The following RASEF variants were observed in gnomAD, a reference collection of about 807,000 sequenced individuals.
RASEF encodes ras and EF-hand domain-containing protein.
A neutral mutation model predicts 90.1 loss-of-function variants in RASEF; 68 were observed. The ratio of observed to expected loss-of-function variants is 0.75; its 90% CI spans 0.62 to 0.92. The LOEUF (loss-of-function observed/expected upper bound fraction) is 0.92. Ranked by LOEUF, RASEF falls within the 40% of genes least tolerant of loss-of-function variation. The pLI is 0.00. For missense variants in RASEF, 949 were observed against 937.2 expected (o/e 1.01, Z -0.16); for synonymous variants, 331 against 345.2 (o/e 0.96, Z 0.46).
At chr9:83,118,285 T>G in the RASEF span, among the ~76,000 whole-genome samples, 1 of 152,136 alleles carries the variant, frequency 6.6e-6, no homozygotes, top group African/African-American at 2.4e-5. Flanking sequence ...AAAAAAGTTA[T>G]ATCACAGTAA....
the RASEF span, among the ~76,000 whole-genome samples, chr9:83,128,997 A>G: frequency 6.6e-6 from 1 of 152,256 alleles, no homozygotes. Context: ...AAAAGTGTTC[A>G]AATCAATTAA....
chr9:83,082,227 C>T, the RASEF span, among the ~76,000 whole-genome samples: 4 of 152,198 alleles, frequency 2.6e-5, no homozygotes, highest in African/African-American at 9.7e-5. Flanking sequence ...GCAACCTCTA[C>T]TTCACATCAA....
At chr9:83,078,676 A>G in the RASEF span, among the ~76,000 whole-genome samples, 3 of 151,588 alleles carry the variant, frequency 2.0e-5, no homozygotes, top group African/African-American at 7.3e-5. Flanking sequence ...GAAAAAAAAA[A>G]AGAGAGAGAG....
chr9:83,062,927 T>G lies in RASEF; in HGVS notation c.-60A>C. ...GCGCCGCGGGGCGCAGGGCCCTCCC[T>G]GGAAGGACGGGGCCACCTGCTGCCG... On this transcript the variant is annotated 5_prime_UTR_variant, in exon 1 of 17. Coordinates refer to ENST00000376447, the MANE Select transcript of RASEF (RefSeq NM_152573.4). 7.3e-7 allele frequency: 1 copy of G among 1,368,582 alleles called. No individual in the cohort carries two copies. The highest frequency in any genetic ancestry group is 9.4e-7 in the Non-Finnish European group (1 of 1,068,748). 84.8% of individuals were successfully genotyped at this position (1,368,582 alleles called of 1,614,324 possible).
At chr9:83,011,031 A>C (rs1014097368) in intron 5 of RASEF, among the ~76,000 whole-genome samples, 1 of 152,200 alleles carries the variant, frequency 6.6e-6, no homozygotes, top group Non-Finnish European at 1.5e-5. Flanking sequence ...AAACTTAATA[A>C]ATTGTGAGGG....
At chr9:83,142,003 A>G in the RASEF span, among the ~76,000 whole-genome samples, 1 of 152,226 alleles carries the variant, frequency 6.6e-6, no homozygotes, top group East Asian at 1.9e-4. Flanking sequence ...AAAACTATGT[A>G]CAAAAGGAAA....
chr9:83,197,224 G>T, the RASEF span, among the ~76,000 whole-genome samples: 1 of 152,214 alleles, frequency 6.6e-6, no homozygotes, highest in Non-Finnish European at 1.5e-5. Context: ...TTTTGCAGAG[G>T]TTATTATGGG....
At position 82,982,722 on chromosome 9, in the gene RASEF, G is replaced by C. The variant is rs753368074; in HGVS notation, c.2178C>G (p.Thr726=). 1.9e-6 allele frequency: 3 copies of C among 1,611,364 alleles called. No homozygotes were observed. The South Asian group carries it at 3.3e-5, about 18-fold the overall frequency. ...TCATCTGTGGTGACTTTTTGGAATT[G>C]GTCCCGGTTAGATTGGTAATGGATC... ...DSRSITNLTG[T]NSKKSPQMKN... Residue 726 remains threonine (T), a synonymous_variant, in exon 17 of 17, where the codon ACC becomes ACG. Transcript: ENST00000376447.
chr9:83,061,360 T>G (rs1276086176), intron 1 of RASEF, among the ~76,000 whole-genome samples: 1 of 152,140 alleles, frequency 6.6e-6, no homozygotes, highest in Non-Finnish European at 1.5e-5. Context: ...CTGACAACCT[T>G]CCAGGGATAC....
the RASEF span, among the ~76,000 whole-genome samples, chr9:83,145,611 A>C: frequency 6.6e-6 from 1 of 152,122 alleles, no homozygotes; most frequent in East Asian, 1.9e-4. Flanking sequence ...TTAAATAAAT[A>C]ATAGTTCCAA....
the RASEF span, among the ~76,000 whole-genome samples, chr9:83,191,913 A>C: frequency 1.3e-5 from 2 of 152,212 alleles, no homozygotes; most frequent in African/African-American, 2.4e-5. Flanking sequence ...GTTTTTTAAA[A>C]GCTAGATATG....
chr9:83,003,984 C>G (rs1359783909), intron 9 of RASEF, among the ~76,000 whole-genome samples: 1 of 152,106 alleles, frequency 6.6e-6, no homozygotes, highest in Non-Finnish European at 1.5e-5. Flanking sequence ...AAACACAAGG[C>G]TAAATTCTAA....
At chr9:82,985,357 A>C (rs1828691687) in intron 16 of RASEF, among the ~76,000 whole-genome samples, 1 of 152,200 alleles carries the variant, frequency 6.6e-6, no homozygotes, top group African/African-American at 2.4e-5. Flanking sequence ...CGTGAGACTT[A>C]TTCACTATCA....
chr9:83,027,599 TA>T (rs1417367536), intron 1 of RASEF, among the ~76,000 whole-genome samples: 3 of 152,188 alleles, frequency 2.0e-5, no homozygotes, highest in African/African-American at 7.2e-5. Flanking sequence ...AATCTTTTAC[TA>T]AAAGATAAAC....
At chr9:83,055,300 C>G in intron 1 of RASEF, 2 of 360,394 alleles carry the variant, frequency 5.5e-6, no homozygotes, top group South Asian at 4.7e-5. Flanking sequence ...TGGGAGTGAC[C>G]CGATTTTCCA....
intron 1 of RASEF, among the ~76,000 whole-genome samples, chr9:83,037,556 A>C (rs1829765609): frequency 6.6e-6 from 1 of 152,184 alleles, no homozygotes; most frequent in Non-Finnish European, 1.5e-5. Context: ...ATATAACTGA[A>C]TCCAAATACA....
chr9:83,010,544 A>T (rs2118497723), intron 5 of RASEF, among the ~76,000 whole-genome samples: 1 of 152,326 alleles, frequency 6.6e-6, no homozygotes, highest in African/African-American at 2.4e-5. Context: ...CGAACCCCAG[A>T]AAGACAGAAC....
the RASEF span, among the ~76,000 whole-genome samples, chr9:83,151,862 A>G: frequency 6.6e-6 from 1 of 152,172 alleles, no homozygotes; most frequent in Non-Finnish European, 1.5e-5. Context: ...TGAAGGAACA[A>G]TAGAGACTTT....
intron 16 of RASEF, 66 bp downstream of exon 16, chr9:82,990,325 G>A: frequency 1.9e-6 from 2 of 1,055,596 alleles, no homozygotes; most frequent in South Asian, 2.6e-5. Flanking sequence ...TGCACATTAT[G>A]GACAAGAAAT....
Sources: gnomAD v4.1 joint callset for allele counts (sites outside exome capture counted in the v4.1 genomes callset) on GRCh38, gnomAD v4.1.1 for gene constraint, MANE v1.5 for transcripts, NCBI Gene and HGNC (gene_info 2026-07-23, HGNC 2026-07-21) for gene names.